The following PRELID2 variants were observed in gnomAD, a reference collection of about 807,000 sequenced individuals.
PRELID2 encodes the protein PRELI domain containing 2.
PRELID2 carries 25 observed loss-of-function variants against 28.4 expected under a neutral mutation model. The observed-to-expected ratio is 0.88, with a 90% confidence interval of 0.64 to 1.23. The LOEUF is 1.23. Among genes scored for constraint, PRELID2 ranks in the 50% most tolerant of loss-of-function variants. PRELID2 has a pLI of 0.00. For synonymous variants in PRELID2, 76 were observed against 71.6 expected (o/e 1.06, Z -0.31); for missense variants, 201 against 214.4 (o/e 0.94, Z 0.39).
chr5:145,262,314 C>T, the PRELID2 span, among the ~76,000 whole-genome samples: 4 of 151,794 alleles, frequency 2.6e-5, no homozygotes, highest in Non-Finnish European at 5.9e-5. Flanking sequence ...GCTAGACATC[C>T]AAATACAAGA....
chr5:145,424,758 C>A, the PRELID2 span, among the ~76,000 whole-genome samples: 1 of 152,142 alleles, frequency 6.6e-6, no homozygotes, highest in African/African-American at 2.4e-5. Context: ...CATCCATATA[C>A]AAAAATTAAC....
chr5:145,419,715 G>A, the PRELID2 span, among the ~76,000 whole-genome samples: 398 of 152,260 alleles, frequency 2.6e-3, 1 homozygote, highest in African/African-American at 9.3e-3. Context: ...GTTTTGCTGT[G>A]CAGAAGCTCT....
At chr5:145,384,424 CATAA>C in the PRELID2 span, among the ~76,000 whole-genome samples, 1 of 152,054 alleles carries the variant, frequency 6.6e-6, no homozygotes, top group African/African-American at 2.4e-5. Flanking sequence ...TTTCTAGCAA[CATAA>C]ATGAATGATA....
intron 1 of PRELID2, among the ~76,000 whole-genome samples, chr5:145,686,479 C>T (rs569749755): frequency 9.2e-5 from 14 of 152,240 alleles, no homozygotes; most frequent in Admixed American, 8.5e-4. Flanking sequence ...GGTCTTTCCC[C>T]AGCCCCACCT....
chr5:145,808,442 A>G (rs1432721966), intron 4 of PRELID2, among the ~76,000 whole-genome samples: 6 of 152,156 alleles, frequency 3.9e-5, no homozygotes, highest in Non-Finnish European at 8.8e-5. Flanking sequence ...AAATTATACT[A>G]TTTGTGATTT....
the PRELID2 span, among the ~76,000 whole-genome samples, chr5:145,452,303 A>C: frequency 6.6e-6 from 1 of 152,128 alleles, no homozygotes; most frequent in African/African-American, 2.4e-5. Flanking sequence ...ATCTGTTTCC[A>C]CTTACTTCTA....
At chr5:145,560,672 A>G (rs1752918595) in intron 1 of PRELID2, among the ~76,000 whole-genome samples, 1 of 152,222 alleles carries the variant, frequency 6.6e-6, no homozygotes, top group Non-Finnish European at 1.5e-5. Context: ...TTTTGGTTAG[A>G]TATGTCAAAA....
intron 4 of PRELID2, among the ~76,000 whole-genome samples, chr5:145,805,049 T>C (rs1028859300): frequency 2.0e-5 from 3 of 152,204 alleles, no homozygotes; most frequent in Non-Finnish European, 2.9e-5. Context: ...GTTAATAAAG[T>C]ATCATAATTT....
chr5:145,726,305 AAG>A (rs796443528), intron 1 of PRELID2, among the ~76,000 whole-genome samples: 16 of 147,392 alleles, frequency 1.1e-4, no homozygotes, highest in African/African-American at 2.3e-4. Flanking sequence ...AAGAAAAAGA[AAG>A]AGAGAGAGAG....
At chr5:145,773,737 A>G (rs1164786162) in intron 5 of PRELID2, among the ~76,000 whole-genome samples, 1 of 152,196 alleles carries the variant, frequency 6.6e-6, no homozygotes, top group East Asian at 1.9e-4. Flanking sequence ...CCCCTTTATC[A>G]GCCATTTTTT....
At chr5:145,452,616 A>C in the PRELID2 span, among the ~76,000 whole-genome samples, 10 of 152,094 alleles carry the variant, frequency 6.6e-5, no homozygotes, top group African/African-American at 2.4e-4. Flanking sequence ...CTTTTCTGTA[A>C]CCCTTCAAGA....
intron 4 of PRELID2, among the ~76,000 whole-genome samples, chr5:145,807,941 C>T (rs1281226294): frequency 6.6e-6 from 1 of 152,158 alleles, no homozygotes; most frequent in Non-Finnish European, 1.5e-5. Context: ...TGAACACAAA[C>T]ATCAAATGGC....
chr5:145,414,469 TTTA>T, the PRELID2 span, among the ~76,000 whole-genome samples: 7 of 152,350 alleles, frequency 4.6e-5, no homozygotes, highest in African/African-American at 1.4e-4. Context: ...TCTTTACTTA[TTTA>T]TTATTATTTC....
At chr5:145,328,474 A>G in the PRELID2 span, among the ~76,000 whole-genome samples, 2 of 152,222 alleles carry the variant, frequency 1.3e-5, no homozygotes, top group Non-Finnish European at 2.9e-5. Context: ...AATGATTGCC[A>G]ATCTGACTGG....
chr5:145,364,837 G>A, the PRELID2 span, among the ~76,000 whole-genome samples: 4 of 151,984 alleles, frequency 2.6e-5, no homozygotes, highest in East Asian at 3.9e-4. Flanking sequence ...CTGACAACTC[G>A]CTGCAGCCCA....
At chr5:145,426,700 A>C in the PRELID2 span, among the ~76,000 whole-genome samples, 2 of 152,182 alleles carry the variant, frequency 1.3e-5, no homozygotes, top group Non-Finnish European at 2.9e-5. Flanking sequence ...AGAAAACAAC[A>C]ACTCACAGAG....
the PRELID2 span, among the ~76,000 whole-genome samples, chr5:145,424,533 G>C: frequency 2.0e-5 from 3 of 152,188 alleles, no homozygotes; most frequent in Non-Finnish European, 4.4e-5. Context: ...CTTTGACTCA[G>C]AAAGGGAACT....
intron 1 of PRELID2, among the ~76,000 whole-genome samples, chr5:145,597,401 T>C (rs897994518): frequency 3.3e-5 from 5 of 152,160 alleles, no homozygotes; most frequent in African/African-American, 4.8e-5. Flanking sequence ...TATCTGATGA[T>C]AGATGCACAC....
chr5:145,258,009 ACT>A, the PRELID2 span, among the ~76,000 whole-genome samples: 2 of 151,866 alleles, frequency 1.3e-5, no homozygotes, highest in Admixed American at 1.3e-4. Flanking sequence ...ATCCCCCTTC[ACT>A]CTCTCTTTCT....
Sources: allele counts gnomAD v4.1 joint callset (sites outside exome capture counted in the v4.1 genomes callset), GRCh38; gene constraint gnomAD v4.1.1; transcripts MANE v1.5; gene names NCBI Gene and HGNC (gene_info 2026-07-23, HGNC 2026-07-21).